Variants in VEPH1 observed in about 807,000 individuals in gnomAD.
VEPH1 encodes the protein ventricular zone expressed PH domain containing 1.
A neutral mutation model predicts 85.2 loss-of-function variants in VEPH1; 80 were observed. The ratio of observed to expected loss-of-function variants is 0.94; its 90% confidence interval spans 0.78 to 1.13. VEPH1 has a LOEUF of 1.13. Among genes scored for constraint, VEPH1 ranks in the 50% most tolerant of loss-of-function variants. The pLI, the probability that VEPH1 is intolerant of heterozygous loss-of-function variation, is 0.00. For synonymous variants in VEPH1, 297 were observed against 348.0 expected, an observed-to-expected ratio of 0.85 and a Z score of 1.63; for missense variants, 955 against 980.5, an observed-to-expected ratio of 0.97 and a Z score of 0.35.
At chr3:157,299,754 C>T (rs143960310) in intron 11 of VEPH1, among the ~76,000 whole-genome samples, 537 of 152,092 alleles carry the variant, frequency 3.5e-3, no homozygotes, top group Non-Finnish European at 6.4e-3. Flanking sequence ...CAAAATCAAA[C>T]AATTTTGTTG....
At chr3:157,460,789 G>A (rs1735793651) in intron 3 of VEPH1, among the ~76,000 whole-genome samples, 1 of 152,170 alleles carries the variant, frequency 6.6e-6, no homozygotes, top group African/African-American at 2.4e-5. Context: ...AGTACCTGAT[G>A]GCACTGGAGA....
intron 9 of VEPH1, among the ~76,000 whole-genome samples, chr3:157,360,902 G>A (rs1725985661): frequency 1.3e-5 from 2 of 152,150 alleles, no homozygotes; most frequent in African/African-American, 4.8e-5. Context: ...TTTTTGACAA[G>A]TAGAAGTTTG....
rs1316574229 is a variant in VEPH1 at position 157,381,353 on chromosome 3, T to C, written c.930A>G (p.Thr310=). Reference sequence around the variant, plus strand: ...TGTTGGCCAGTTGGCTCACCAGGTATGTCAGGCAGCTCCTGGCTCTCTCCT... The same window carrying C: ...TGTTGGCCAGTTGGCTCACCAGGTACGTCAGGCAGCTCCTGGCTCTCTCCT... ...VDEERARSCL[T]YLVSQLANME... is the part of the protein sequence containing the mutation. The change falls in exon 7 of 14, where the codon ACA becomes ACG. Residue 310 remains threonine (T), a synonymous_variant. Coordinates refer to ENST00000362010, the MANE Select transcript of VEPH1 (RefSeq NM_001167912.2). The C allele has an allele frequency of 6.2e-6, 10 of 1,614,080 alleles. No homozygotes were observed. The highest frequency in any genetic ancestry group is 8.5e-6 in the Non-Finnish European group (10 of 1,180,030).
chr3:157,333,744 A>T (rs913141001), intron 9 of VEPH1, among the ~76,000 whole-genome samples: 5 of 152,230 alleles, frequency 3.3e-5, no homozygotes. Flanking sequence ...ATGTGCTACC[A>T]ATTACTTTGC....
chr3:157,407,170 G>A (rs1731206727), intron 6 of VEPH1, among the ~76,000 whole-genome samples: 2 of 152,126 alleles, frequency 1.3e-5, no homozygotes, highest in South Asian at 4.1e-4. Flanking sequence ...CTCTAAAGTG[G>A]AAACAAACAT....
intron 12 of VEPH1, among the ~76,000 whole-genome samples, chr3:157,267,093 CTTTTTTTTCTTT>C (rs1486168443): frequency 9.2e-6 from 1 of 108,226 alleles, no homozygotes; most frequent in African/African-American, 3.5e-5. Context: ...TTTTCTTTTT[CTTTTTTTTCTTT>C]TTTTTTTTTT....
chr3:157,344,599 C>T (rs1381453795), intron 9 of VEPH1, among the ~76,000 whole-genome samples: 1 of 152,132 alleles, frequency 6.6e-6, no homozygotes, highest in African/African-American at 2.4e-5. Context: ...GGCCATACTG[C>T]CCAAGGTAAT....
chr3:157,499,798 A>G (rs1197761068), intron 1 of VEPH1: 2 of 152,362 alleles, frequency 1.3e-5, no homozygotes, highest in East Asian at 1.9e-4. Flanking sequence ...ACAATTTTCA[A>G]CAGAACTCAA....
chr3:157,394,639 G>A (rs1730192763), intron 6 of VEPH1, among the ~76,000 whole-genome samples: 1 of 152,152 alleles, frequency 6.6e-6, no homozygotes, highest in Admixed American at 6.5e-5. Context: ...AGGCAAAGCA[G>A]GAGTAGGCAG....
In VEPH1 at chr3:157,324,784, G is replaced by A. The variant is rs146481297; in HGVS notation, c.1736-7583C>T. Among the ~76,000 whole-genome samples the A allele has an allele frequency of 9.8e-3, 1,485 of 152,018 alleles. 26 individuals are homozygous for A. The highest frequency in any genetic ancestry group is 0.043 in the East Asian group (222 of 5,182). ...TTCTGTCTTTGCTATTGTGAATAGCGCTGCAATGAACATACACGTGCATGT... is the reference window on the plus strand; with the variant it reads ...TTCTGTCTTTGCTATTGTGAATAGCACTGCAATGAACATACACGTGCATGT... On this transcript the variant is annotated intron_variant, in intron 9 of 13. Transcript: ENST00000362010.
intron 4 of VEPH1, among the ~76,000 whole-genome samples, chr3:157,446,287 G>A (rs928067836): frequency 6.6e-6 from 1 of 151,932 alleles, no homozygotes; most frequent in African/African-American, 2.4e-5. Context: ...CCATGTCCTG[G>A]GAAGCCCTCA....
chr3:157,444,509 G>A (rs1734392829), intron 4 of VEPH1, among the ~76,000 whole-genome samples: 1 of 152,178 alleles, frequency 6.6e-6, no homozygotes, highest in Non-Finnish European at 1.5e-5. Context: ...GGGCTGATAG[G>A]CCAGTCTCAG....
chr3:157,306,941 A>G (rs1355192429), intron 11 of VEPH1, among the ~76,000 whole-genome samples: 1 of 151,968 alleles, frequency 6.6e-6, no homozygotes, highest in Non-Finnish European at 1.5e-5. Flanking sequence ...GAGAAAATAC[A>G]GTATTTGGTT....
chr3:157,281,130 CAGAG>C (rs1030195152), intron 12 of VEPH1, among the ~76,000 whole-genome samples: 29 of 87,988 alleles, frequency 3.3e-4, no homozygotes, highest in Middle Eastern at 4.5e-3. Context: ...CAGAGAAAGA[CAGAG>C]AGAGAAAGAG....
At chr3:157,304,038 T>TATGC in intron 11 of VEPH1, among the ~76,000 whole-genome samples, 1 of 96,896 alleles carries the variant, frequency 1.0e-5, no homozygotes, top group African/African-American at 3.1e-5. Flanking sequence ...TATATATATA[T>TATGC]ACACACATAC....
intron 9 of VEPH1, among the ~76,000 whole-genome samples, chr3:157,361,930 T>G: frequency 6.6e-6 from 1 of 152,230 alleles, no homozygotes; most frequent in Non-Finnish European, 1.5e-5. Context: ...GGATTGATAT[T>G]ACTAATTATT....
At chr3:157,366,974 T>C (rs758340958) in intron 7 of VEPH1, among the ~76,000 whole-genome samples, 11 of 152,084 alleles carry the variant, frequency 7.2e-5, no homozygotes, top group Non-Finnish European at 1.2e-4. Flanking sequence ...GGGTTCATGA[T>C]TATGGGCCCT....
Position 157,364,365 on chromosome 3 carries a change from A to G in VEPH1, c.1275T>C (p.Ser425=), listed in dbSNP as rs779241682. ...CTTGGCCCAGACTATATCTTCTGAT[A>G]GAGCCAGGGGTATTGCTCCCTGCAT... ...KINAGSNTPG[S]IRRYSLGQVS... Residue 425 remains serine, a synonymous_variant, in exon 8 of 14, where the codon TCT becomes TCC. Transcript: ENST00000362010. 4.3e-6 allele frequency: 7 copies of G among 1,614,028 alleles called. No homozygotes were observed. Among genetic ancestry groups the G allele is most frequent in the Admixed American group, 1.7e-5 (1 of 60,026 alleles).
intron 11 of VEPH1, among the ~76,000 whole-genome samples, chr3:157,292,979 A>C (rs1033664881): frequency 9.5e-6 from 1 of 105,474 alleles, no homozygotes; most frequent in Non-Finnish European, 2.0e-5. Flanking sequence ...GCAAAACTCC[A>C]CCTCAAAAAA....
Sources: gnomAD v4.1 joint callset for allele counts (sites outside exome capture counted in the v4.1 genomes callset) on GRCh38, gnomAD v4.1.1 for gene constraint, MANE v1.5 for transcripts, NCBI Gene and HGNC (gene_info 2026-07-23, HGNC 2026-07-21) for gene names.